The following C2orf76 variants were observed in gnomAD, a reference collection of about 807,000 sequenced individuals.
The protein encoded by C2orf76 is UPF0538 protein C2orf76.
In C2orf76, 23 loss-of-function variants were observed where a neutral mutation model predicts 16.9. The observed-to-expected ratio is 1.36, with a 90% confidence interval of 0.98 to 1.93. C2orf76 has a LOEUF of 1.93. Ranked by LOEUF, C2orf76 falls within the 30% of genes most tolerant of loss-of-function variation. The pLI, the probability that C2orf76 is intolerant of heterozygous loss-of-function variation, is 0.00. For missense variants in C2orf76, 152 were observed against 152.6 expected (o/e 1.00, Z 0.02); for synonymous variants, 48 against 52.3 (o/e 0.92, Z 0.35).
At position 119,317,485 on chromosome 2, in the gene C2orf76, T is replaced by C. The variant is rs1412134233; in HGVS notation, c.203A>G (p.His68Arg). 6.2e-7 allele frequency: 1 copy of C among 1,604,834 alleles called. No homozygotes were observed. Among genetic ancestry groups the C allele is most frequent in the South Asian group, 1.1e-5 (1 of 89,908 alleles). ...NYKYDALKII[H>R]QAHKSKTNEL... ...ACATACCTTTGATTTATGTGCTTGA[T>C]GAATAATCTTTAGTGCATCTGAAAG... Residue 68 changes from histidine (H) to arginine (R), a missense_variant, in exon 4 of 6, where the codon CAT becomes CGT. Coordinates refer to ENST00000334816, the MANE Select transcript of C2orf76 (RefSeq NM_001322331.2).
At chr2:119,318,803 G>A (rs899225820) in intron 3 of C2orf76, among the ~76,000 whole-genome samples, 10 of 152,074 alleles carry the variant, frequency 6.6e-5, no homozygotes, top group Non-Finnish European at 1.3e-4. Context: ...GGGATTACAG[G>A]CATGATCCAC....
intron 1 of C2orf76, among the ~76,000 whole-genome samples, chr2:119,346,617 G>T (rs1355495517): frequency 2.6e-5 from 4 of 152,164 alleles, no homozygotes. Flanking sequence ...ATGCATTAGG[G>T]TGTTGCCAGG....
chr2:119,325,258 G>A (rs1234135276), intron 2 of C2orf76, among the ~76,000 whole-genome samples: 2 of 151,950 alleles, frequency 1.3e-5, no homozygotes, highest in Non-Finnish European at 2.9e-5. Context: ...TCAAGAGTTC[G>A]AGACCAGCCT....
At chr2:119,284,548 T>C in the C2orf76 span, among the ~76,000 whole-genome samples, 2 of 152,134 alleles carry the variant, frequency 1.3e-5, no homozygotes, top group Non-Finnish European at 2.9e-5. Context: ...TGGGCATACA[T>C]TACCAAATTA....
intron 3 of C2orf76, 81 bp downstream of exon 3, chr2:119,321,073 T>C (rs543353056): frequency 6.6e-6 from 5 of 761,424 alleles, no homozygotes; most frequent in Non-Finnish European, 1.0e-5. Context: ...ATAGTCATTT[T>C]TGAAAACAAA....
intron 1 of C2orf76, among the ~76,000 whole-genome samples, chr2:119,355,944 A>G (rs6751553): frequency 0.34 from 51,722 of 152,032 alleles, 9,329 homozygotes; most frequent in African/African-American, 0.45. Flanking sequence ...GCACCACAGG[A>G]AAAAACCATG....
At chr2:119,315,114 G>A (rs1398218079) in intron 4 of C2orf76, among the ~76,000 whole-genome samples, 1 of 152,058 alleles carries the variant, frequency 6.6e-6, no homozygotes, top group East Asian at 1.9e-4. Flanking sequence ...GGAAATTAAA[G>A]TTTTTATTTC....
chr2:119,358,811 A>G (rs771325781), intron 1 of C2orf76, among the ~76,000 whole-genome samples: 1 of 152,212 alleles, frequency 6.6e-6, no homozygotes, highest in Non-Finnish European at 1.5e-5. Flanking sequence ...AGCAGTCTCC[A>G]TAACAAAAAA....
rs561588898 is a variant in C2orf76 at position 119,346,480 on chromosome 2, C to T, written c.-12-6509G>A. ...AATAAAAATAAATAAATTATTGATA[C>T]AGGCAACAATCAGGGTGAATCTCAA... On this transcript the variant is annotated intron_variant, in intron 1 of 5. Transcript: ENST00000334816. 4.6e-5 allele frequency among the ~76,000 whole-genome samples: 7 copies of T among 152,242 alleles called. No individual in the cohort carries two copies. The East Asian group carries it at 1.2e-3, about 25-fold the overall frequency.
At chr2:119,337,061 T>C (rs897549480) in intron 2 of C2orf76, among the ~76,000 whole-genome samples, 1 of 111,578 alleles carries the variant, frequency 9.0e-6, no homozygotes, top group African/African-American at 3.4e-5. Flanking sequence ...ATTTATTTAT[T>C]TATTTATTTT....
chr2:119,305,942 C>CAAAAAAAAAAAAAAAAAA (rs61325292), intron 5 of C2orf76, among the ~76,000 whole-genome samples: 1 of 119,648 alleles, frequency 8.4e-6, no homozygotes, highest in Non-Finnish European at 1.8e-5. Flanking sequence ...AAAACAACAA[C>CAAAAAAAAAAAAAAAAAA]AAAAAAAAAA....
At chr2:119,308,398 T>TG (rs1363291986) in intron 5 of C2orf76, among the ~76,000 whole-genome samples, 1 of 152,192 alleles carries the variant, frequency 6.6e-6, no homozygotes, top group African/African-American at 2.4e-5. Flanking sequence ...CCCAGCACTT[T>TG]GGGAGGCCAA....
In C2orf76 at chr2:119,308,675, T is replaced by C. The variant is rs142686433; in HGVS notation, c.304+2947A>G. Reference sequence around the variant, plus strand: ...AACAAAAACAAAAAAACCCAAACAATAATGGTATCACACAGTATGTTCTAT... The same window carrying C: ...AACAAAAACAAAAAAACCCAAACAACAATGGTATCACACAGTATGTTCTAT... On this transcript the variant is annotated intron_variant, in intron 5 of 5. Coordinates refer to ENST00000334816, the MANE Select transcript of C2orf76 (RefSeq NM_001322331.2). 9.5e-3 allele frequency among the ~76,000 whole-genome samples: 1,439 copies of C among 152,160 alleles called. 12 individuals carry two copies. The highest frequency in any genetic ancestry group is 0.03 in the South Asian group (146 of 4,822).
intron 5 of C2orf76, 114 bp downstream of exon 5, chr2:119,311,508 A>AG: frequency 3.4e-6 from 5 of 1,465,806 alleles, no homozygotes; most frequent in Non-Finnish European, 4.5e-6. Context: ...GGGCAGTGTC[A>AG]GGGGGACCAA....
intron 1 of C2orf76, among the ~76,000 whole-genome samples, chr2:119,350,163 G>T (rs1474422792): frequency 6.7e-6 from 1 of 149,156 alleles, no homozygotes; most frequent in Non-Finnish European, 1.5e-5. Context: ...ATTTCCTAAG[G>T]ACACACGAAC....
chr2:119,339,103 T>C (rs1001140178), intron 2 of C2orf76: 4 of 152,208 alleles, frequency 2.6e-5, no homozygotes, highest in African/African-American at 9.6e-5. Flanking sequence ...TTTGAAATCA[T>C]GTCAAAGTAA....
chr2:119,286,742 G>T, the C2orf76 span, among the ~76,000 whole-genome samples: 2 of 152,164 alleles, frequency 1.3e-5, no homozygotes, highest in African/African-American at 2.4e-5. Flanking sequence ...ATGAGAGTCT[G>T]CAGGGAAGGA....
At chr2:119,340,753 AATACACACACACACAC>A (rs957893529) in intron 1 of C2orf76, among the ~76,000 whole-genome samples, 6 of 102,410 alleles carry the variant, frequency 5.9e-5, no homozygotes, top group African/African-American at 2.5e-4. Context: ...CATGCTTTCT[AATACACACACACACAC>A]ACACACACAC....
chr2:119,338,270 T>C (rs1049561479), intron 2 of C2orf76, among the ~76,000 whole-genome samples: 5 of 152,066 alleles, frequency 3.3e-5, no homozygotes, highest in Admixed American at 2.6e-4. Flanking sequence ...ATATAATAGA[T>C]TTACAAAGAG....
Sources: gnomAD v4.1 joint callset for allele counts (sites outside exome capture counted in the v4.1 genomes callset) on GRCh38, gnomAD v4.1.1 for gene constraint, MANE v1.5 for transcripts, NCBI Gene and HGNC (gene_info 2026-07-23, HGNC 2026-07-21) for gene names.